Variants in R3HDM1 observed in about 807,000 individuals in gnomAD.
The protein encoded by R3HDM1 is R3H domain-containing protein 1.
R3HDM1 carries 46 observed loss-of-function variants against 141.1 expected under a neutral mutation model. The observed-to-expected ratio is 0.33, with a 90% CI of 0.26 to 0.42. R3HDM1 has a LOEUF of 0.42. Among genes scored for constraint, R3HDM1 ranks in the 10% least tolerant of loss-of-function variants. R3HDM1 has a pLI of 1.00. For missense variants in R3HDM1, 1,184 were observed against 1,368.3 expected (o/e 0.87, Z 2.12); for synonymous variants, 435 against 472.9 (o/e 0.92, Z 1.04).
chr2:135,710,666 A>C (rs2075522647), intron 23 of R3HDM1, among the ~76,000 whole-genome samples: 1 of 152,106 alleles, frequency 6.6e-6, no homozygotes, highest in East Asian at 1.9e-4. Context: ...AAAAAGACGG[A>C]GGAAAAAAAG....
At chr2:135,650,884 T>A (rs2065082984) in intron 17 of R3HDM1, 1 of 985,336 alleles carries the variant, frequency 1.0e-6, no homozygotes, top group Non-Finnish European at 1.2e-6. Context: ...TTTTTCAGTG[T>A]TGACCTTTTA....
At chr2:135,697,677 T>C (rs2073465802) in intron 21 of R3HDM1, among the ~76,000 whole-genome samples, 1 of 152,204 alleles carries the variant, frequency 6.6e-6, no homozygotes, top group Admixed American at 6.5e-5. Flanking sequence ...ATTCCATTTA[T>C]TTAGGATCAA....
rs558515032 is a variant in R3HDM1, at chr2:135,575,141, G to GGATTA, written c.-249-27358_-249-27354dup. On this transcript the variant is annotated intron_variant, in intron 1 of 26. Transcript: ENST00000683871. Reference sequence around the variant, plus strand: ...TGCTTATTGAAGCACTTCAGATTTTGGATTAAGGGTGCAATGAAAATAATG... The same window carrying GGATTA: ...TGCTTATTGAAGCACTTCAGATTTTGGATTAGATTAAGGGTGCAATGAAAATAATG... 3.1e-4 allele frequency among the ~76,000 whole-genome samples: 47 copies of GGATTA among 152,272 alleles called. 1 individual carries two copies. The East Asian group carries it at 6.4e-3, about 21-fold the overall frequency.
At chr2:135,681,520 C>T (rs313518) in intron 21 of R3HDM1, among the ~76,000 whole-genome samples, 74,733 of 151,974 alleles carry the variant, frequency 0.49, 23,084 homozygotes, top group East Asian at 0.88. Context: ...TGGTCTAAAG[C>T]GTGAGAAAAT....
intron 16 of R3HDM1, 68 bp from the exon 17 acceptor site, chr2:135,649,834 C>T (rs1468982096): frequency 7.4e-6 from 7 of 951,568 alleles, no homozygotes; most frequent in African/African-American, 1.8e-5. Context: ...TGTAAATTTC[C>T]GTTTTATGCA....
In R3HDM1 at chr2:135,531,507, T is replaced by A; in HGVS notation, c.-376T>A. On this transcript the variant is annotated 5_prime_UTR_variant, in exon 1 of 27. Transcript: ENST00000683871. ...GGATTCTGCCAGCCGCGGCTGCCGC[T>A]GGAGCCGGTGTCCGGGCTGGTGATG... 2 of 985,818 alleles carry A rather than the reference T, an allele frequency of 2.0e-6. No individual in the cohort carries two copies. Among genetic ancestry groups the A allele is most frequent in the Non-Finnish European group, 2.4e-6 (2 of 829,980 alleles). The allele number at this position is 985,818 out of a possible 1,614,324, so 61.1% of individuals were successfully genotyped here. A position where few individuals can be genotyped will look rare whatever the true frequency, so the allele number is the denominator to read the frequency against.
At chr2:135,720,557 T>C (rs1159586807) in intron 24 of R3HDM1, among the ~76,000 whole-genome samples, 1 of 152,258 alleles carries the variant, frequency 6.6e-6, no homozygotes, top group African/African-American at 2.4e-5. Context: ...CTTCAGGCTT[T>C]CCTGAGTGAT....
At chr2:135,584,289 C>T (rs1252724409) in intron 1 of R3HDM1, 1 of 715,382 alleles carries the variant, frequency 1.4e-6, no homozygotes, top group Non-Finnish European at 1.7e-6. Flanking sequence ...GATTGTGCCA[C>T]TGCTCTCCAG....
intron 7 of R3HDM1, among the ~76,000 whole-genome samples, chr2:135,630,333 C>A (rs1458379267): frequency 4.7e-5 from 6 of 128,572 alleles, no homozygotes; most frequent in African/African-American, 1.8e-4. Flanking sequence ...GATTCTCATA[C>A]TTCTACTATC....
chr2:135,543,084 A>G (rs1455763857), intron 1 of R3HDM1: 7 of 983,880 alleles, frequency 7.1e-6, no homozygotes, highest in Non-Finnish European at 8.4e-6. Context: ...GATCAAAAGT[A>G]AAAGACCACC....
At chr2:135,657,963 T>G (rs1279996514) in intron 18 of R3HDM1, among the ~76,000 whole-genome samples, 2 of 152,220 alleles carry the variant, frequency 1.3e-5, no homozygotes, top group African/African-American at 4.8e-5. Flanking sequence ...TCACAAAGTG[T>G]ATTTACACAC....
At chr2:135,660,262 G>T (rs1386618761) in intron 18 of R3HDM1, among the ~76,000 whole-genome samples, 1 of 152,074 alleles carries the variant, frequency 6.6e-6, no homozygotes, top group Non-Finnish European at 1.5e-5. Flanking sequence ...TTTTGGGGGG[G>T]ATTTTGGAAT....
chr2:135,722,337 G>A, intron 25 of R3HDM1, 132 bp from the exon 26 acceptor site: 2 of 873,382 alleles, frequency 2.3e-6, no homozygotes, highest in East Asian at 2.7e-5. Context: ...AATCCAGAAG[G>A]CCTGGGACTG....
At chr2:135,603,560 G>A (rs1204254944) in intron 2 of R3HDM1, among the ~76,000 whole-genome samples, 1 of 151,982 alleles carries the variant, frequency 6.6e-6, no homozygotes, top group Non-Finnish European at 1.5e-5. Context: ...TTTTAAAGAT[G>A]CATTTCAGAA....
Position 135,626,401 on chromosome 2 carries a change from G to T in R3HDM1, c.497+3669G>T, listed in dbSNP as rs545262084. On this transcript the variant is annotated intron_variant, in intron 7 of 26. Transcript: ENST00000683871. The stretch of plus-strand genomic sequence containing the variant: ...TTGTTAGATTCAGAAGTTAGAAATT[G>T]TTGGCTATTTTAACAAGTCATTTCA... 2.1e-3 allele frequency among the ~76,000 whole-genome samples: 327 copies of T among 152,288 alleles called. 2 individuals carry two copies. The highest frequency in any genetic ancestry group is 7.1e-3 in the African/African-American group (294 of 41,562).
At chr2:135,619,670 A>T (rs1490112110) in intron 5 of R3HDM1, 2 of 863,656 alleles carry the variant, frequency 2.3e-6, no homozygotes, top group Non-Finnish European at 2.8e-6. Flanking sequence ...TGGAAAATAA[A>T]TTATTTCTCA....
chr2:135,719,014 G>T (rs2076429358), intron 24 of R3HDM1, among the ~76,000 whole-genome samples: 1 of 152,046 alleles, frequency 6.6e-6, no homozygotes, highest in Admixed American at 6.6e-5. Context: ...CGGGCATGGT[G>T]GCGCACGCCT....
chr2:135,636,229 T>C (rs762472875), intron 11 of R3HDM1, 46 bp downstream of exon 11: 19 of 1,582,058 alleles, frequency 1.2e-5, no homozygotes, highest in Non-Finnish European at 1.6e-5. Flanking sequence ...TATATTCTAA[T>C]TACGTTGTAG....
chr2:135,625,173 T>C (rs1018544510), intron 7 of R3HDM1, among the ~76,000 whole-genome samples: 1 of 152,082 alleles, frequency 6.6e-6, no homozygotes, highest in African/African-American at 2.4e-5. Context: ...AGAGGGGCCC[T>C]GCACAATGAT....
Sources: gnomAD v4.1 joint callset for allele counts (sites outside exome capture counted in the v4.1 genomes callset) on GRCh38, gnomAD v4.1.1 for gene constraint, MANE v1.5 for transcripts, NCBI Gene and HGNC (gene_info 2026-07-23, HGNC 2026-07-21) for gene names.